DLG2: variants seen among roughly 807,000 people sequenced by gnomAD.
The protein encoded by DLG2 is discs large MAGUK scaffold protein 2.
Under a neutral mutation model 132.5 loss-of-function variants are expected in DLG2, and 45 were observed. That is an observed-to-expected ratio of 0.34 (90% CI 0.27 to 0.44). DLG2 has a LOEUF of 0.44. DLG2 is among the 20% of genes least tolerant of loss of function. DLG2 has a pLI of 1.00. For missense variants in DLG2, 1,045 were observed against 1,196.9 expected, an observed-to-expected ratio of 0.87 and a Z score of 1.87; for synonymous variants, 424 against 419.6, an observed-to-expected ratio of 1.01 and a Z score of -0.13.
intron 8 of DLG2, among the ~76,000 whole-genome samples, chr11:84,214,295 G>A (rs1374888597): frequency 2.3e-5 from 3 of 132,958 alleles, no homozygotes; most frequent in Admixed American, 7.1e-5. Context: ...ATATATATGA[G>A]AGAATATATA....
intron 6 of DLG2, among the ~76,000 whole-genome samples, chr11:84,937,522 G>A (rs2048892105): frequency 6.6e-6 from 1 of 152,146 alleles, no homozygotes; most frequent in African/African-American, 2.4e-5. Context: ...CAGTGAGAAG[G>A]CAAAGGAAGC....
intron 6 of DLG2, among the ~76,000 whole-genome samples, chr11:84,869,498 C>G (rs2085136706): frequency 6.6e-6 from 1 of 151,618 alleles, no homozygotes; most frequent in South Asian, 2.1e-4. Context: ...TCAAAGTGAA[C>G]AAAAAGCTTC....
intron 11 of DLG2, among the ~76,000 whole-genome samples, chr11:84,055,266 G>C (rs2096478827): frequency 6.6e-6 from 1 of 151,996 alleles, no homozygotes; most frequent in African/African-American, 2.4e-5. Flanking sequence ...CATCAAGATA[G>C]CTCAAATCCA....
intron 11 of DLG2, among the ~76,000 whole-genome samples, chr11:84,024,416 G>C (rs1488645253): frequency 6.6e-6 from 1 of 152,072 alleles, no homozygotes; most frequent in Non-Finnish European, 1.5e-5. Context: ...ACTTCTGTTT[G>C]TTTACACAAA....
intron 8 of DLG2, among the ~76,000 whole-genome samples, chr11:84,181,473 T>C (rs1007519741): frequency 6.6e-6 from 1 of 151,952 alleles, no homozygotes; most frequent in African/African-American, 2.4e-5. Context: ...AGAACAGTAA[T>C]TAGAAAATGG....
At chr11:84,400,082 C>T (rs562260779) in intron 7 of DLG2, among the ~76,000 whole-genome samples, 1 of 152,324 alleles carries the variant, frequency 6.6e-6, no homozygotes, top group East Asian at 1.9e-4. Context: ...ACAAATACGG[C>T]ATCTTTCCCA....
At chr11:85,484,201 C>G (rs1236989616) in intron 3 of DLG2, among the ~76,000 whole-genome samples, 1 of 150,154 alleles carries the variant, frequency 6.7e-6, no homozygotes, top group Admixed American at 6.6e-5. Flanking sequence ...TTTCCCGCCC[C>G]CCGTTCCTCC....
At chr11:83,743,363 C>T (rs1184670525) in intron 18 of DLG2, among the ~76,000 whole-genome samples, 1 of 151,066 alleles carries the variant, frequency 6.6e-6, no homozygotes, top group African/African-American at 2.5e-5. Context: ...GCCCTAAGCA[C>T]CCTACTTTAT....
chr11:85,497,179 GA>G (rs984703778), intron 3 of DLG2, among the ~76,000 whole-genome samples: 2 of 151,932 alleles, frequency 1.3e-5, no homozygotes, highest in Admixed American at 1.3e-4. Flanking sequence ...TTAAATCCTT[GA>G]AAAAAGGTTA....
At chr11:84,459,187 A>T (rs2099073654) in intron 7 of DLG2, among the ~76,000 whole-genome samples, 1 of 150,538 alleles carries the variant, frequency 6.6e-6, no homozygotes, top group African/African-American at 2.4e-5. Flanking sequence ...TTTGATTCGC[A>T]TTTCTTCCTT....
intron 3 of DLG2, among the ~76,000 whole-genome samples, chr11:85,586,627 A>G (rs1300682816): frequency 6.6e-6 from 1 of 152,090 alleles, no homozygotes; most frequent in African/African-American, 2.4e-5. Context: ...CAGTCTATCA[A>G]TTTTGTTTAT....
intron 6 of DLG2, among the ~76,000 whole-genome samples, chr11:84,926,167 T>G (rs1047932677): frequency 6.6e-6 from 1 of 151,898 alleles, no homozygotes; most frequent in African/African-American, 2.4e-5. Flanking sequence ...CAAAACACAT[T>G]TAAAATGCTC....
At chr11:83,800,538 C>T (rs1228034762) in intron 17 of DLG2, among the ~76,000 whole-genome samples, 1 of 152,128 alleles carries the variant, frequency 6.6e-6, no homozygotes, top group East Asian at 1.9e-4. Flanking sequence ...TGCATTACAG[C>T]TCAAGACTAG....
intron 6 of DLG2, among the ~76,000 whole-genome samples, chr11:84,654,228 T>C (rs539067658): frequency 1.3e-3 from 200 of 152,304 alleles, no homozygotes; most frequent in African/African-American, 4.7e-3. Flanking sequence ...TTTGTGACAC[T>C]CACCTCATCC....
intron 7 of DLG2, among the ~76,000 whole-genome samples, chr11:84,270,679 G>C (rs116829879): frequency 7.9e-5 from 12 of 152,086 alleles, no homozygotes; most frequent in African/African-American, 2.9e-4. Context: ...AGGTGGCTCC[G>C]CATTCTAACG....
At chr11:85,039,739 A>G (rs1566711988) in intron 6 of DLG2, among the ~76,000 whole-genome samples, 2 of 151,814 alleles carry the variant, frequency 1.3e-5, no homozygotes, top group Admixed American at 6.6e-5. Context: ...CCTCCTCATC[A>G]CCTTACTCTC....
intron 19 of DLG2, among the ~76,000 whole-genome samples, chr11:83,561,736 A>C (rs1325771280): frequency 6.6e-6 from 1 of 152,178 alleles, no homozygotes; most frequent in Non-Finnish European, 1.5e-5. Context: ...CCTAAAGAAG[A>C]TGATGAAGAG....
At chr11:83,736,575 C>T (rs985871500) in intron 18 of DLG2, among the ~76,000 whole-genome samples, 9 of 152,156 alleles carry the variant, frequency 5.9e-5, no homozygotes, top group Admixed American at 5.9e-4. Flanking sequence ...TCTCTGCTGA[C>T]AGCGCTGGTT....
intron 3 of DLG2, among the ~76,000 whole-genome samples, chr11:85,307,534 G>A (rs1384607274): frequency 2.0e-5 from 3 of 152,142 alleles, no homozygotes; most frequent in Non-Finnish European, 4.4e-5. Flanking sequence ...TGACAGAGGA[G>A]AAGAGCCAAA....
Sources: gnomAD v4.1 joint callset for allele counts (sites outside exome capture counted in the v4.1 genomes callset) on GRCh38, gnomAD v4.1.1 for gene constraint, MANE v1.5 for transcripts, NCBI Gene and HGNC (gene_info 2026-07-23, HGNC 2026-07-21) for gene names.